ENOX1: variants seen among roughly 807,000 people sequenced by gnomAD.
The protein encoded by ENOX1 is ecto-NOX disulfide-thiol exchanger 1, also known as candidate growth-related and time keeping constitutive hydroquinone (NADH) oxidase.
ENOX1 carries 42 observed loss-of-function variants against 82.5 expected under a neutral mutation model. The ratio of observed to expected loss-of-function variants is 0.51; its 90% CI spans 0.40 to 0.66. The LOEUF is 0.66. ENOX1 is among the 30% of genes least tolerant of loss of function. ENOX1 has a pLI of 0.00. For synonymous variants in ENOX1, 271 were observed against 282.2 expected, an observed-to-expected ratio of 0.96 and a Z score of 0.40; for missense variants, 608 against 811.6, an observed-to-expected ratio of 0.75 and a Z score of 3.05.
intron 9 of ENOX1, among the ~76,000 whole-genome samples, chr13:43,343,475 A>G (rs919463147): frequency 3.9e-5 from 6 of 152,220 alleles, no homozygotes; most frequent in Admixed American, 2.0e-4. Flanking sequence ...ATCGGAATTT[A>G]CATTTGGGAA....
At chr13:43,282,546 C>A (rs960776403) in intron 12 of ENOX1, among the ~76,000 whole-genome samples, 1 of 151,344 alleles carries the variant, frequency 6.6e-6, no homozygotes, top group Admixed American at 6.6e-5. Context: ...CAATGATCCT[C>A]CTGAGTAGCT....
chr13:43,398,837 C>A lies in ENOX1; in HGVS notation c.208+13079G>T, dbSNP rs140842015. On this transcript the variant is annotated intron_variant, in intron 5 of 16. Transcript: ENST00000690772. ...TTTTTTGAGACAGGGTCTCTGTCAC[C>A]CAGGCTGGAGTACACTAGCACGATC... Among the ~76,000 whole-genome samples, 973 of 151,104 alleles carry A rather than the reference C, an allele frequency of 6.4e-3. 6 individuals are homozygous for A. Among genetic ancestry groups the A allele is most frequent in the Middle Eastern group, 0.051 (15 of 294 alleles).
intron 1 of ENOX1, among the ~76,000 whole-genome samples, chr13:43,732,265 A>C (rs1254376143): frequency 6.6e-6 from 1 of 152,194 alleles, no homozygotes; most frequent in African/African-American, 2.4e-5. Context: ...TTCCTGTTTT[A>C]TGACACAAAA....
In ENOX1 at chr13:43,250,101, G is replaced by A. The variant is rs550840721; in HGVS notation, c.1612-13363C>T. On this transcript the variant is annotated intron_variant, in intron 14 of 16. Transcript: ENST00000690772. Reference sequence around the variant, plus strand: ...AAACACTGAGGCACAAGTATGCCTCGCTGTTTAATCTGTAAAATGGAGATA... The same window carrying A: ...AAACACTGAGGCACAAGTATGCCTCACTGTTTAATCTGTAAAATGGAGATA... Among the ~76,000 whole-genome samples the A allele has an allele frequency of 1.6e-4, 25 of 152,232 alleles. No homozygotes were observed. The South Asian group carries it at 4.6e-3, about 28-fold the overall frequency.
chr13:43,249,506 G>A (rs1252896562), intron 14 of ENOX1, among the ~76,000 whole-genome samples: 3 of 152,156 alleles, frequency 2.0e-5, no homozygotes, highest in Non-Finnish European at 4.4e-5. Flanking sequence ...TATCTTGTAT[G>A]ATACTAACTC....
chr13:43,565,667 G>T (rs1209095754), intron 2 of ENOX1, among the ~76,000 whole-genome samples: 2 of 152,168 alleles, frequency 1.3e-5, no homozygotes, highest in Non-Finnish European at 2.9e-5. Flanking sequence ...GATAAGGAAA[G>T]ATTCTTGCCT....
intron 2 of ENOX1, among the ~76,000 whole-genome samples, chr13:43,603,368 A>G (rs12430922): frequency 0.41 from 47,476 of 116,510 alleles, 9,145 homozygotes; most frequent in South Asian, 0.53. Context: ...TTTTCCTTTT[A>G]TTTATTTTAT....
intron 3 of ENOX1, among the ~76,000 whole-genome samples, chr13:43,452,963 A>G (rs1023152516): frequency 6.6e-6 from 1 of 152,236 alleles, no homozygotes; most frequent in African/African-American, 2.4e-5. Flanking sequence ...ATGGTTATAA[A>G]AGAGACTTGG....
chr13:43,776,658 A>C (rs1010583240), intron 1 of ENOX1, among the ~76,000 whole-genome samples: 3 of 152,206 alleles, frequency 2.0e-5, no homozygotes, highest in Admixed American at 6.5e-5. Flanking sequence ...AGAGATTAGC[A>C]TGAACAGGAA....
intron 2 of ENOX1, among the ~76,000 whole-genome samples, chr13:43,565,024 G>A (rs761656715): frequency 3.3e-5 from 5 of 152,146 alleles, no homozygotes; most frequent in Non-Finnish European, 7.4e-5. Flanking sequence ...ACTTTAGGGT[G>A]GGGAAGGGGA....
At chr13:43,389,895 A>G (rs1402935093) in intron 5 of ENOX1, among the ~76,000 whole-genome samples, 3 of 152,204 alleles carry the variant, frequency 2.0e-5, no homozygotes, top group Non-Finnish European at 4.4e-5. Context: ...CCTGGAGATG[A>G]TAACACTGCT....
chr13:43,490,275 C>T (rs530711697), intron 2 of ENOX1, among the ~76,000 whole-genome samples: 2 of 152,266 alleles, frequency 1.3e-5, no homozygotes, highest in South Asian at 4.1e-4. Context: ...AAGCGCATAA[C>T]TTGTTTAACT....
intron 14 of ENOX1, among the ~76,000 whole-genome samples, chr13:43,262,152 A>C (rs976318875): frequency 2.6e-5 from 4 of 152,174 alleles, no homozygotes; most frequent in South Asian, 2.1e-4. Context: ...GACTGGAAAA[A>C]ACTAAAATAA....
intron 2 of ENOX1, among the ~76,000 whole-genome samples, chr13:43,658,492 T>A (rs906954435): frequency 2.6e-5 from 4 of 152,192 alleles, no homozygotes; most frequent in Middle Eastern, 3.2e-3. Flanking sequence ...AATCATGTAG[T>A]GTTCTATGAT....
At chr13:43,336,171 T>C (rs528177689) in intron 9 of ENOX1, among the ~76,000 whole-genome samples, 1 of 152,294 alleles carries the variant, frequency 6.6e-6, no homozygotes, top group Middle Eastern at 3.4e-3. Context: ...AAATTTCCCT[T>C]GGTGGAAATA....
At chr13:43,556,054 G>A (rs2079421081) in intron 2 of ENOX1, among the ~76,000 whole-genome samples, 1 of 152,158 alleles carries the variant, frequency 6.6e-6, no homozygotes, top group South Asian at 2.1e-4. Flanking sequence ...AAAATGAAAA[G>A]AACTTCGATA....
At chr13:43,766,868 T>C (rs904475450) in intron 1 of ENOX1, among the ~76,000 whole-genome samples, 1 of 152,126 alleles carries the variant, frequency 6.6e-6, no homozygotes, top group African/African-American at 2.4e-5. Context: ...CATAAGCTAG[T>C]TGGCCCATCA....
intron 2 of ENOX1, among the ~76,000 whole-genome samples, chr13:43,491,666 C>A (rs1038690086): frequency 6.6e-6 from 1 of 152,026 alleles, no homozygotes; most frequent in Non-Finnish European, 1.5e-5. Context: ...ACTTGAGAGG[C>A]GGAGGCAGGA....
At chr13:43,322,559 G>T in intron 10 of ENOX1, 58 bp from the exon 11 acceptor site, 2 of 1,383,670 alleles carry the variant, frequency 1.4e-6, no homozygotes, top group Non-Finnish European at 2.0e-6. Flanking sequence ...TTTCCCCAAT[G>T]GTCTTTGGGT....
Sources: allele counts gnomAD v4.1 joint callset (sites outside exome capture counted in the v4.1 genomes callset), GRCh38; gene constraint gnomAD v4.1.1; transcripts MANE v1.5; gene names NCBI Gene and HGNC (gene_info 2026-07-23, HGNC 2026-07-21).